TM7SF3: variants seen among roughly 807,000 people sequenced by gnomAD.
TM7SF3 encodes the protein seven span transmembrane protein.
A neutral mutation model predicts 65.5 loss-of-function variants in TM7SF3; 60 were observed. The ratio of observed to expected loss-of-function variants is 0.92; its 90% CI spans 0.74 to 1.14. TM7SF3 has a LOEUF of 1.14. Among genes scored for constraint, TM7SF3 ranks in the 50% most tolerant of loss-of-function variants. The pLI is 0.00. For synonymous variants in TM7SF3, 264 were observed against 259.6 expected (o/e 1.02, Z -0.16); for missense variants, 623 against 684.8 (o/e 0.91, Z 1.01).
chr12:26,996,539 G>A (rs1940604165), intron 4 of TM7SF3, among the ~76,000 whole-genome samples: 1 of 152,180 alleles, frequency 6.6e-6, no homozygotes, highest in South Asian at 2.1e-4. Flanking sequence ...AATAAAAAGA[G>A]TTCACAAGAA....
intron 6 of TM7SF3, among the ~76,000 whole-genome samples, chr12:26,988,689 T>C (rs1321923585): frequency 6.6e-6 from 1 of 151,852 alleles, no homozygotes; most frequent in African/African-American, 2.4e-5. Flanking sequence ...TGTGTGTGTG[T>C]GTGTGTGTGT....
chr12:26,999,247 T>G (rs189834805), intron 3 of TM7SF3, among the ~76,000 whole-genome samples: 1 of 151,908 alleles, frequency 6.6e-6, no homozygotes, highest in African/African-American at 2.4e-5. Flanking sequence ...ATACAAAAAA[T>G]TAGCTGGGCC....
chr12:27,005,689 C>G (rs1696696842), intron 1 of TM7SF3, among the ~76,000 whole-genome samples: 8 of 152,044 alleles, frequency 5.3e-5, no homozygotes, highest in Admixed American at 5.2e-4. Context: ...TTTGGAAAGA[C>G]AGTACGGAAA....
intron 2 of TM7SF3, among the ~76,000 whole-genome samples, chr12:27,002,033 C>T (rs1940851615): frequency 6.6e-6 from 1 of 152,194 alleles, no homozygotes; most frequent in African/African-American, 2.4e-5. Flanking sequence ...CCCCCCTACA[C>T]ACATACCCCA....
At chr12:26,983,422 T>C (rs1939903277) in intron 6 of TM7SF3, 6 of 362,168 alleles carry the variant, frequency 1.7e-5, no homozygotes, top group Non-Finnish European at 2.2e-5. Flanking sequence ...TTTTCAATAT[T>C]TTAAAATGAA....
chr12:26,994,325 T>C (rs1051601845), intron 5 of TM7SF3, among the ~76,000 whole-genome samples: 1 of 152,172 alleles, frequency 6.6e-6, no homozygotes, highest in African/African-American at 2.4e-5. Context: ...GATAAAATCC[T>C]GCCCTCCACA....
intron 1 of TM7SF3, chr12:27,012,751 G>A (rs12321522): frequency 0.11 from 50,297 of 455,818 alleles, 3,460 homozygotes; most frequent in East Asian, 0.33. Context: ...TGTAATCCCA[G>A]CACTCTGGGA....
intron 10 of TM7SF3, 179 bp from the exon 11 acceptor site, chr12:26,975,837 A>G: frequency 1.6e-6 from 1 of 613,722 alleles, no homozygotes; most frequent in South Asian, 2.2e-5. Flanking sequence ...AACCTTCAAC[A>G]TCCATATGAG....
At chr12:26,974,899 A>G (rs1332798174) in intron 11 of TM7SF3, among the ~76,000 whole-genome samples, 1 of 152,246 alleles carries the variant, frequency 6.6e-6, no homozygotes, top group Non-Finnish European at 1.5e-5. Flanking sequence ...CTTATGCAAT[A>G]TATCTTCAAT....
At chr12:27,001,383 C>T (rs1287855496) in intron 2 of TM7SF3, among the ~76,000 whole-genome samples, 1 of 152,212 alleles carries the variant, frequency 6.6e-6, no homozygotes, top group Non-Finnish European at 1.5e-5. Context: ...TCTGCTTCCT[C>T]AGATGTAGAA....
At chr12:26,981,451 C>T (rs1429757816) in intron 7 of TM7SF3, among the ~76,000 whole-genome samples, 3 of 151,800 alleles carry the variant, frequency 2.0e-5, no homozygotes, top group African/African-American at 7.3e-5. Context: ...TATAATTGTA[C>T]CTGTGAACAG....
Position 26,974,168 on chromosome 12 carries a change from G to A in TM7SF3, c.1510C>T (p.Arg504Ter), listed in dbSNP as rs1939473351. Residue 504 changes from arginine to a stop codon, truncating the protein, a stop_gained, in exon 12 of 12, where the codon CGA becomes TGA. Coordinates refer to ENST00000343028, the MANE Select transcript of TM7SF3 (RefSeq NM_016551.3). LOFTEE classifies it high-confidence loss of function. The stretch of plus-strand genomic sequence containing the variant: ...AAGAACGGTCGTCCTCTCTCTCTTC[G>A]AATCTGTAACGTAATTCCACTTACA... The part of the protein sequence containing the change: ...LAVSGITLQI[R>*]RERGRPFFPP... The A allele has an allele frequency of 1.9e-6, 3 of 1,613,962 alleles. No individual in the cohort carries two copies. Among genetic ancestry groups the A allele is most frequent in the East Asian group, 2.2e-5 (1 of 44,890 alleles).
At chr12:26,980,331 A>G in intron 8 of TM7SF3, 1 of 548,120 alleles carries the variant, frequency 1.8e-6, no homozygotes, top group South Asian at 2.4e-5. Flanking sequence ...ACAGGTCTAT[A>G]ATCAATATGG....
chr12:26,993,565 T>C (rs775552596), intron 5 of TM7SF3, among the ~76,000 whole-genome samples: 8 of 152,158 alleles, frequency 5.3e-5, no homozygotes, highest in Non-Finnish European at 8.8e-5. Flanking sequence ...CCACCTGGAA[T>C]AGGTGGAGAC....
rs544214154 is a variant in TM7SF3, at chr12:26,999,547, G to A, written c.376C>T (p.Leu126=). 5.6e-6 allele frequency: 9 copies of A among 1,613,724 alleles called. No homozygotes were observed. The South Asian group carries it at 7.7e-5, about 14-fold the overall frequency. ...GIQPVQNMAI[L]LSYSERDPVP... ...TTACCTCTTTCTGAGTAGGAGAGTA[G>A]GATAGCCATATTCTGGACAGGCTGT... The change falls in exon 3 of 12, where the codon CTA becomes TTA. Residue 126 remains leucine, a synonymous_variant. Coordinates refer to ENST00000343028, the MANE Select transcript of TM7SF3 (RefSeq NM_016551.3).
intron 1 of TM7SF3, among the ~76,000 whole-genome samples, chr12:27,010,037 C>A (rs755306552): frequency 6.6e-6 from 1 of 152,206 alleles, no homozygotes; most frequent in East Asian, 1.9e-4. Flanking sequence ...AGTATAGTCA[C>A]CTAACTGGCA....
intron 1 of TM7SF3, among the ~76,000 whole-genome samples, chr12:27,005,098 A>T (rs1940979974): frequency 2.6e-5 from 4 of 152,226 alleles, no homozygotes; most frequent in Admixed American, 2.0e-4. Flanking sequence ...ATAAAACTAT[A>T]TGGATTTCAG....
intron 3 of TM7SF3, among the ~76,000 whole-genome samples, chr12:26,997,395 T>G (rs966027213): frequency 6.6e-6 from 1 of 152,202 alleles, no homozygotes; most frequent in East Asian, 1.9e-4. Context: ...CCAAATTCTA[T>G]GCTCTTCTTT....
Position 26,995,226 on chromosome 12 carries a change from C to T in TM7SF3, c.690+11G>A. 6.2e-7 allele frequency: 1 copy of T among 1,608,406 alleles called. No homozygotes were observed. Among genetic ancestry groups the T allele is most frequent in the African/African-American group, 1.3e-5 (1 of 74,832 alleles). On this transcript the variant is annotated intron_variant, in intron 5 of 11. Transcript: ENST00000343028. ...CAATCCAGCCACACAAATCATGGGA[C>T]TCAGATTTACCTTGAGAGCACTGGC...
Sources: allele counts gnomAD v4.1 joint callset (sites outside exome capture counted in the v4.1 genomes callset), GRCh38; gene constraint gnomAD v4.1.1; transcripts MANE v1.5; gene names NCBI Gene and HGNC (gene_info 2026-07-23, HGNC 2026-07-21).